Variants in KCNQ1 observed in about 807,000 individuals in gnomAD.
KCNQ1 encodes the protein potassium voltage-gated channel subfamily KQT member 1.
In KCNQ1, 49 loss-of-function variants were observed where a neutral mutation model predicts 72.4. That is an observed-to-expected ratio of 0.68 (90% CI 0.54 to 0.86). KCNQ1 has a LOEUF of 0.86. Among genes scored for constraint, KCNQ1 ranks in the 40% least tolerant of loss-of-function variants. KCNQ1 has a pLI of 0.00. For synonymous variants in KCNQ1, 450 were observed against 412.6 expected, an observed-to-expected ratio of 1.09 and a Z score of -1.10; for missense variants, 790 against 945.1, an observed-to-expected ratio of 0.84 and a Z score of 2.15.
rs1017681004 is a variant in KCNQ1, at chr11:2,659,843, T to C, written c.1394-2118T>C. 1.3e-5 allele frequency: 5 copies of C among 398,360 alleles called. No homozygotes were observed. The highest frequency in any genetic ancestry group is 7.1e-5 in the East Asian group (2 of 28,042). The allele number at this position is 398,360 out of a possible 1,614,324, so 24.7% of individuals were successfully genotyped here. On this transcript the variant is annotated intron_variant, in intron 10 of 15. Transcript: ENST00000155840. The surrounding 1 kb of genome is among the most constrained non-coding windows in gnomAD (Gnocchi z 4.3). The stretch of plus-strand genomic sequence containing the variant: ...TGCATTTCCATATTTATGTTAATTA[T>C]GTATCTTTTCATGTGCTTATTTATA...
intron 11 of KCNQ1, among the ~76,000 whole-genome samples, chr11:2,742,738 G>A (rs568331359): frequency 5.4e-4 from 82 of 152,338 alleles, no homozygotes; most frequent in African/African-American, 1.7e-3. Context: ...TGCTGAATTC[G>A]GGGCGGTCCT....
rs1021534479 is a variant in KCNQ1, at chr11:2,634,086, C to A, written c.1394-27875C>A. 8 of 396,368 alleles carry A rather than the reference C, an allele frequency of 2.0e-5. No individual in the cohort carries two copies. The East Asian group carries it at 2.9e-4, about 14-fold the overall frequency. 24.6% of individuals were successfully genotyped at this position (396,368 alleles called of 1,614,324 possible). ...ATTTGTGGTCTTTTGTGGTTCCATG[C>A]AAGTTTAAGGATTGTGTTTTTGCTA... On this transcript the variant is annotated intron_variant, in intron 10 of 15. Coordinates refer to ENST00000155840, the MANE Select transcript of KCNQ1 (RefSeq NM_000218.3).
Position 2,620,835 on chromosome 11 carries a change from C to A in KCNQ1, c.1393+31981C>A, listed in dbSNP as rs1849157359. 5.0e-6 allele frequency: 2 copies of A among 398,490 alleles called. No homozygotes were observed. The highest frequency in any genetic ancestry group is 8.8e-6 in the Non-Finnish European group (2 of 226,086). 24.7% of individuals were successfully genotyped at this position (398,490 alleles called of 1,614,324 possible). ...GTGTATAAGCGTTCCCTTTTCTCTGCAGCCTTCCCAGCAACTTTTATTTTT... is the reference window on the plus strand; with the variant it reads ...GTGTATAAGCGTTCCCTTTTCTCTGAAGCCTTCCCAGCAACTTTTATTTTT... On this transcript the variant is annotated intron_variant, in intron 10 of 15. Coordinates refer to ENST00000155840, the MANE Select transcript of KCNQ1 (RefSeq NM_000218.3). The surrounding 1 kb of genome is among the most constrained non-coding windows in gnomAD (Gnocchi z 4.5).
chr11:2,741,264 A>G (rs1258333322), intron 11 of KCNQ1, among the ~76,000 whole-genome samples: 4 of 152,172 alleles, frequency 2.6e-5, no homozygotes, highest in Admixed American at 6.5e-5. Context: ...GGCAGGTTTG[A>G]CTTTTACTCT....
At position 2,848,017 on chromosome 11, in the gene KCNQ1, C is replaced by A. The variant is rs1429017976; in HGVS notation, c.*14C>A. 3.9e-6 allele frequency: 6 copies of A among 1,533,078 alleles called. No homozygotes were observed. The highest frequency in any genetic ancestry group is 5.3e-6 in the Non-Finnish European group (6 of 1,137,488). 95.0% of individuals were successfully genotyped at this position (1,533,078 alleles called of 1,614,324 possible). On this transcript the variant is annotated 3_prime_UTR_variant, in exon 16 of 16. Coordinates refer to ENST00000155840, the MANE Select transcript of KCNQ1 (RefSeq NM_000218.3). Reference sequence around the variant, plus strand: ...GAGGGGTCCTGAGGAGGGGATGGGGCTGGGGGATGGGCCTGAGTGAGAGGG... The same window carrying A: ...GAGGGGTCCTGAGGAGGGGATGGGGATGGGGGATGGGCCTGAGTGAGAGGG...
At chr11:2,631,156 T>C in intron 10 of KCNQ1, 1 of 398,596 alleles carries the variant, frequency 2.5e-6, no homozygotes, top group South Asian at 1.3e-4. Context: ...TTTTCAGCCA[T>C]TATTTCTCTG....
intron 1 of KCNQ1, among the ~76,000 whole-genome samples, chr11:2,470,247 A>G (rs1264268156): frequency 2.6e-5 from 4 of 152,238 alleles, no homozygotes; most frequent in Admixed American, 1.3e-4. Context: ...ACGCCCAGGA[A>G]AAACTCCAGT....
Position 2,712,869 on chromosome 11 carries a change from T to G in KCNQ1, c.1514+50788T>G, listed in dbSNP as rs1050127851. ...GGCTGGACACAGGGAGGAGGCAGCA[T>G]GGGAAATGGAAGGACTGCAGCCCCC... On this transcript the variant is annotated intron_variant, in intron 11 of 15. Coordinates refer to ENST00000155840, the MANE Select transcript of KCNQ1 (RefSeq NM_000218.3). This position sits in a 1 kb window ranked among gnomAD's most constrained non-coding sequence, Gnocchi z 6.4. Among the ~76,000 whole-genome samples the G allele has an allele frequency of 6.6e-6, 1 of 152,036 alleles. No homozygotes were observed. Among genetic ancestry groups the G allele is most frequent in the Non-Finnish European group, 1.5e-5 (1 of 68,000 alleles).
chr11:2,594,089 A>G (rs1191460364), intron 10 of KCNQ1, among the ~76,000 whole-genome samples: 1 of 152,150 alleles, frequency 6.6e-6, no homozygotes, highest in Non-Finnish European at 1.5e-5. Flanking sequence ...CACCATTTGG[A>G]TTTAATTTCC....
intron 11 of KCNQ1, among the ~76,000 whole-genome samples, chr11:2,729,069 A>AC (rs1292715061): frequency 6.6e-6 from 1 of 151,918 alleles, no homozygotes; most frequent in Non-Finnish European, 1.5e-5. Flanking sequence ...GCACACTCCC[A>AC]CCCCCCGCCT....
Position 2,668,177 on chromosome 11 carries a change from G to A in KCNQ1, c.1514+6096G>A, listed in dbSNP as rs1385273660. The A allele has an allele frequency of 5.0e-6, 2 of 398,496 alleles. No individual in the cohort carries two copies. The highest frequency in any genetic ancestry group is 8.8e-6 in the Non-Finnish European group (2 of 226,090). 24.7% of individuals were successfully genotyped at this position (398,496 alleles called of 1,614,324 possible). ...GCTCCCTCATGCTCCTTGCTGACTGGTGCTCCATTGTGTGCATGGCCTACA... is the reference window on the plus strand; with the variant it reads ...GCTCCCTCATGCTCCTTGCTGACTGATGCTCCATTGTGTGCATGGCCTACA... On this transcript the variant is annotated intron_variant, in intron 11 of 15. Transcript: ENST00000155840. The surrounding 1 kb of genome is among the most constrained non-coding windows in gnomAD (Gnocchi z 4.3).
At chr11:2,821,589 G>A (rs1380262770) in intron 15 of KCNQ1, among the ~76,000 whole-genome samples, 1 of 152,250 alleles carries the variant, frequency 6.6e-6, no homozygotes. Context: ...CCTTCCCCAC[G>A]TGGTAATTCT....
At chr11:2,741,459 A>G (rs554764371) in intron 11 of KCNQ1, among the ~76,000 whole-genome samples, 2 of 152,236 alleles carry the variant, frequency 1.3e-5, no homozygotes, top group Admixed American at 6.5e-5. Context: ...GCACAAACGC[A>G]TGCCCAGTGT....
In KCNQ1 at chr11:2,516,620, C is replaced by A. The variant is rs919796928; in HGVS notation, c.387-11308C>A. 6.6e-6 allele frequency among the ~76,000 whole-genome samples: 1 copy of A among 152,146 alleles called. No individual in the cohort carries two copies. Among genetic ancestry groups the A allele is most frequent in the Non-Finnish European group, 1.5e-5 (1 of 68,022 alleles). ...TGAAACCAACACACAGGTGCAGACACCCACATGCCATCCTGCCAGAGCCCT... is the reference window on the plus strand; with the variant it reads ...TGAAACCAACACACAGGTGCAGACAACCACATGCCATCCTGCCAGAGCCCT... On this transcript the variant is annotated intron_variant, in intron 1 of 15. Transcript: ENST00000155840. This position sits in a 1 kb window ranked among gnomAD's most constrained non-coding sequence, Gnocchi z 7.0.
At position 2,458,977 on chromosome 11, in the gene KCNQ1, A is replaced by G. The variant is rs1029214085; in HGVS notation, c.386+13493A>G. Among the ~76,000 whole-genome samples the G allele has an allele frequency of 2.6e-5, 4 of 152,132 alleles. No homozygotes were observed. The highest frequency in any genetic ancestry group is 9.7e-5 in the African/African-American group (4 of 41,406). On this transcript the variant is annotated intron_variant, in intron 1 of 15. Coordinates refer to ENST00000155840, the MANE Select transcript of KCNQ1 (RefSeq NM_000218.3). The surrounding 1 kb of genome is among the most constrained non-coding windows in gnomAD (Gnocchi z 4.6). ...TTACTTCTGGTTTGCTGCATGTTCC[A>G]TTTTTGCCCATGCCGCACCTGCCAT...
chr11:2,708,098 C>T (rs1322639975), intron 11 of KCNQ1, among the ~76,000 whole-genome samples: 1 of 152,186 alleles, frequency 6.6e-6, no homozygotes, highest in Non-Finnish European at 1.5e-5. Context: ...ATCGGGGGCA[C>T]CCAGGAGACC....
At chr11:2,792,805 T>C (rs1180351533) in intron 15 of KCNQ1, among the ~76,000 whole-genome samples, 2 of 152,192 alleles carry the variant, frequency 1.3e-5, no homozygotes, top group African/African-American at 4.8e-5. Flanking sequence ...CTCATGGCTT[T>C]GGCAGCATTG....
At chr11:2,706,495 C>A (rs1054769838) in intron 11 of KCNQ1, among the ~76,000 whole-genome samples, 4 of 152,234 alleles carry the variant, frequency 2.6e-5, no homozygotes, top group African/African-American at 9.6e-5. Flanking sequence ...AGCCAAGCCA[C>A]CCCCAGATCC....
chr11:2,738,740 G>A (rs562634234), intron 11 of KCNQ1, among the ~76,000 whole-genome samples: 1 of 152,342 alleles, frequency 6.6e-6, no homozygotes, highest in East Asian at 1.9e-4. Context: ...CCTCCCAGCA[G>A]AACGTGGGCT....
Sources: gnomAD v4.1 joint callset for allele counts (sites outside exome capture counted in the v4.1 genomes callset) on GRCh38, gnomAD v4.1.1 for gene constraint, Gnocchi (gnomAD v3.1) non-coding constraint, MANE v1.5 for transcripts, NCBI Gene and HGNC (gene_info 2026-07-23, HGNC 2026-07-21) for gene names.